FOXK2: variants seen among roughly 807,000 people sequenced by gnomAD.
FOXK2 encodes forkhead box K2, also known as forkhead box protein K2.
FOXK2 carries 24 observed loss-of-function variants against 53.3 expected under a neutral mutation model. The observed-to-expected ratio is 0.45, with a 90% CI of 0.33 to 0.63. The LOEUF is 0.63. Ranked by LOEUF, FOXK2 falls within the 30% of genes least tolerant of loss-of-function variation. The pLI is 0.03. For missense variants in FOXK2, 952 were observed against 910.5 expected (o/e 1.05, Z -0.59); for synonymous variants, 505 against 407.1 (o/e 1.24, Z -2.89).
intron 8 of FOXK2, chr17:82,599,265 T>C (rs1006262865): frequency 1.3e-5 from 2 of 152,128 alleles, no homozygotes; most frequent in Non-Finnish European, 2.9e-5. Context: ...GCCCGGCTAA[T>C]GTTTTTGTAT....
chr17:82,570,230 A>G (rs953666847), intron 3 of FOXK2, among the ~76,000 whole-genome samples: 36 of 149,806 alleles, frequency 2.4e-4, no homozygotes, highest in African/African-American at 8.1e-4. Flanking sequence ...TCAAAAAAAA[A>G]AGAGAGACAA....
At chr17:82,587,299 C>T (rs372334659) in intron 8 of FOXK2, 27 bp downstream of exon 8, 18 of 1,574,770 alleles carry the variant, frequency 1.1e-5, no homozygotes, top group African/African-American at 8.1e-5. Context: ...GGTGGCTCCC[C>T]GTGGCTGTGG....
At chr17:82,585,752 T>C in intron 6 of FOXK2, 152 bp from the exon 7 acceptor site, 1 of 733,438 alleles carries the variant, frequency 1.4e-6, no homozygotes, top group Non-Finnish European at 2.2e-6. Flanking sequence ...ACCTCCCTCA[T>C]TATTAGTAAC....
intron 1 of FOXK2, among the ~76,000 whole-genome samples, chr17:82,523,081 C>T (rs1795343721): frequency 6.6e-6 from 1 of 152,242 alleles, no homozygotes; most frequent in South Asian, 2.1e-4. Flanking sequence ...CTGTGAGCCA[C>T]CACGCCTGGC....
Position 82,596,059 on chromosome 17 carries a change from G to A in FOXK2, c.1787-5244G>A, listed in dbSNP as rs575317386. On this transcript the variant is annotated intron_variant, in intron 8 of 8. Coordinates refer to ENST00000335255, the MANE Select transcript of FOXK2 (RefSeq NM_004514.4). ...ATCTCTGGCCTACCGCAGTGGCCCC[G>A]GCTGTCTGCACATTTTTTGTAGACA... 437 of 1,108,554 alleles carry A rather than the reference G, an allele frequency of 3.9e-4. 1 individual carries two copies. The African/African-American group carries it at 4.0e-3, about 10-fold the overall frequency. The allele number at this position is 1,108,554 out of a possible 1,614,324, so 68.7% of individuals were successfully genotyped here. A position where few individuals can be genotyped will look rare whatever the true frequency, so the allele number is the denominator to read the frequency against.
chr17:82,574,324 T>C (rs1020799299), intron 4 of FOXK2, among the ~76,000 whole-genome samples: 7 of 150,338 alleles, frequency 4.7e-5, no homozygotes, highest in African/African-American at 1.7e-4. Context: ...TCTCTCTCTT[T>C]TTTTTTTTTT....
At chr17:82,568,358 C>G (rs1341137741) in intron 3 of FOXK2, among the ~76,000 whole-genome samples, 157 bp downstream of exon 3, 1 of 152,176 alleles carries the variant, frequency 6.6e-6, no homozygotes, top group Non-Finnish European at 1.5e-5. Flanking sequence ...CTGCTGTGTT[C>G]TTGGTATTGG....
At chr17:82,531,715 C>G (rs1046210704) in intron 1 of FOXK2, among the ~76,000 whole-genome samples, 21 of 152,294 alleles carry the variant, frequency 1.4e-4, no homozygotes, top group Admixed American at 1.3e-4. Context: ...GTACAGCTCT[C>G]TAGAGCACTT....
intron 7 of FOXK2, 52 bp from the exon 8 acceptor site, chr17:82,587,011 T>C (rs2045186507): frequency 6.4e-7 from 1 of 1,567,650 alleles, no homozygotes; most frequent in Non-Finnish European, 8.8e-7. Flanking sequence ...CTGGCAAGAT[T>C]TTTATTTGCT....
chr17:82,571,808 G>C lies in FOXK2; in HGVS notation c.847G>C (p.Gly283Arg). 6.2e-7 allele frequency: 1 copy of C among 1,604,566 alleles called. No individual in the cohort carries two copies. Among genetic ancestry groups the C allele is most frequent in the Non-Finnish European group, 8.5e-7 (1 of 1,176,602 alleles). The change falls in exon 4 of 9, where the codon GGG (glycine) becomes CGG (arginine). Residue 283 changes from glycine (G) to arginine (R), a missense_variant. Gly to Arg is a moderately radical substitution (Grantham distance 125). Around this residue, in one of 5 missense-constraint regions of FOXK2, gnomAD observed 160 missense variants for 214.2 expected, o/e 0.75. Coordinates refer to ENST00000335255, the MANE Select transcript of FOXK2 (RefSeq NM_004514.4). ...MAPDKQLTLN[G>R]IYTHITKNYP... ...TCCCGACAAACAGCTCACCCTGAACGGGATTTATACACACATCACTAAAAA... is the reference window on the plus strand; with the variant it reads ...TCCCGACAAACAGCTCACCCTGAACCGGATTTATACACACATCACTAAAAA...
At chr17:82,574,110 A>G (rs1183969834) in intron 4 of FOXK2, among the ~76,000 whole-genome samples, 1 of 152,204 alleles carries the variant, frequency 6.6e-6, no homozygotes, top group African/African-American at 2.4e-5. Context: ...AGCACACGTC[A>G]GGCACCCTTC....
intron 2 of FOXK2, among the ~76,000 whole-genome samples, chr17:82,563,930 T>G (rs1341559468): frequency 1.3e-5 from 2 of 151,242 alleles, no homozygotes; most frequent in Admixed American, 1.3e-4. Context: ...TTTTGCATTT[T>G]TAGTAGAGAC....
At chr17:82,529,341 G>A (rs2044449031) in intron 1 of FOXK2, among the ~76,000 whole-genome samples, 2 of 146,384 alleles carry the variant, frequency 1.4e-5, no homozygotes, top group South Asian at 4.4e-4. Flanking sequence ...TCCTGCCTCA[G>A]CCTCCTGAGT....
At position 82,525,040 on chromosome 17, in the gene FOXK2, A is replaced by G. The variant is rs567844541; in HGVS notation, c.419+4733A>G. 3.1e-4 allele frequency among the ~76,000 whole-genome samples: 47 copies of G among 150,074 alleles called. No homozygotes were observed. In the South Asian group the frequency reaches 8.9e-3, roughly 28 times the overall value. On this transcript the variant is annotated intron_variant, in intron 1 of 8. Transcript: ENST00000335255. The stretch of plus-strand genomic sequence containing the variant: ...GCCCAGGCTGGGGTACAGTGGCACG[A>G]TCTCGGCTCACTGCAACCTCCGCCT...
Position 82,520,183 on chromosome 17 carries a change from C to T in FOXK2, c.295C>T (p.Pro99Ser). 6.9e-7 allele frequency: 1 copy of T among 1,445,842 alleles called. No homozygotes were observed. Among genetic ancestry groups the T allele is most frequent in the South Asian group, 1.4e-5 (1 of 70,866 alleles). 89.6% of individuals were successfully genotyped at this position (1,445,842 alleles called of 1,614,324 possible). ...CCATGGCGGGGCCGCTCCGGAGCTG[C>T]CGCCCGCGCAGCCCAGGCCCGACGC... The part of the protein sequence containing the change: ...GGHGGAAPEL[P>S]PAQPRPDAGG... The change falls in exon 1 of 9, where the codon CCG (proline) becomes TCG (serine). Residue 99 changes from proline (P) to serine (S), a missense_variant. Transcript: ENST00000335255.
chr17:82,524,300 C>G (rs2044396452), intron 1 of FOXK2, among the ~76,000 whole-genome samples: 1 of 152,178 alleles, frequency 6.6e-6, no homozygotes. Context: ...ATTTGAACCA[C>G]AATGATTTTA....
intron 1 of FOXK2, among the ~76,000 whole-genome samples, chr17:82,528,299 TC>T (rs2044438375): frequency 6.6e-6 from 1 of 152,180 alleles, no homozygotes; most frequent in Admixed American, 6.6e-5. Flanking sequence ...ATGTAACTAT[TC>T]CTGCTTTGTT....
chr17:82,544,993 C>T (rs1230033486), intron 1 of FOXK2, among the ~76,000 whole-genome samples: 2 of 152,082 alleles, frequency 1.3e-5, no homozygotes, highest in Non-Finnish European at 2.9e-5. Flanking sequence ...AATTGTCGAT[C>T]TGCCCCGTCT....
chr17:82,567,859 C>T (rs945088562), intron 2 of FOXK2, among the ~76,000 whole-genome samples, 195 bp from the exon 3 acceptor site: 6 of 151,080 alleles, frequency 4.0e-5, no homozygotes, highest in Admixed American at 1.3e-4. Flanking sequence ...CTTCTTGGGA[C>T]GATCTTAAAT....
Sources: allele counts gnomAD v4.1 joint callset (sites outside exome capture counted in the v4.1 genomes callset), GRCh38; gene constraint gnomAD v4.1.1; regional missense constraint gnomAD v4.1.1; transcripts MANE v1.5; gene names NCBI Gene and HGNC (gene_info 2026-07-23, HGNC 2026-07-21).